Variants in CHRM2 observed in about 807,000 individuals in gnomAD.
CHRM2 encodes the protein cholinergic receptor muscarinic 2.
A neutral mutation model predicts 25.0 loss-of-function variants in CHRM2; 8 were observed. The ratio of observed to expected loss-of-function variants is 0.32; its 90% confidence interval spans 0.19 to 0.58. The LOEUF (loss-of-function observed/expected upper bound fraction) is 0.58. Among genes scored for constraint, CHRM2 ranks in the 20% least tolerant of loss-of-function variants. The probability of loss-of-function intolerance (pLI) is 0.88; values close to 1 mark genes in which losing one functional copy is unlikely to be tolerated. For synonymous variants in CHRM2, 202 were observed against 205.7 expected (o/e 0.98, Z 0.15); for missense variants, 440 against 567.1 (o/e 0.78, Z 2.28).
intron 3 of CHRM2, 148 bp from the exon 4 acceptor site, chr7:137,014,672 A>G: frequency 6.4e-6 from 4 of 627,354 alleles, no homozygotes; most frequent in East Asian, 2.8e-5. Context: ...TGCTTTTTAC[A>G]TGGGGAATTG....
intron 2 of CHRM2, among the ~76,000 whole-genome samples, chr7:136,920,221 C>T (rs2130729994): frequency 6.6e-6 from 1 of 152,160 alleles, no homozygotes; most frequent in African/African-American, 2.4e-5. Context: ...CTGTTGCTGT[C>T]AACATATGAA....
chr7:136,926,511 A>G (rs933001106), intron 2 of CHRM2, among the ~76,000 whole-genome samples: 1 of 152,184 alleles, frequency 6.6e-6, no homozygotes, highest in Admixed American at 6.5e-5. Flanking sequence ...CAGATCTTGG[A>G]CTTTGCAACA....
rs1798657464 is a variant in CHRM2, at chr7:136,924,939, T to C, written c.-125+55521T>C. On this transcript the variant is annotated intron_variant, in intron 2 of 3. Transcript: ENST00000680005. ...TTTGAACTCAGCTCTTACACTCACA[T>C]CTACTCTGCCATAGTTTTATAATCA... 2.0e-5 allele frequency among the ~76,000 whole-genome samples: 3 copies of C among 152,300 alleles called. No individual in the cohort carries two copies. The South Asian group carries it at 6.2e-4, about 32-fold the overall frequency.
chr7:137,004,870 C>A (rs535313611), intron 3 of CHRM2, among the ~76,000 whole-genome samples: 3 of 152,166 alleles, frequency 2.0e-5, no homozygotes, highest in Non-Finnish European at 2.9e-5. Context: ...GATAACACTG[C>A]GGTCATTTGG....
At chr7:136,951,859 C>T (rs1800432086) in intron 2 of CHRM2, among the ~76,000 whole-genome samples, 1 of 152,142 alleles carries the variant, frequency 6.6e-6, no homozygotes. Context: ...TGCCTTTCCT[C>T]CTGCTATAGG....
At chr7:136,947,450 G>C (rs1487559140) in intron 2 of CHRM2, among the ~76,000 whole-genome samples, 1 of 152,104 alleles carries the variant, frequency 6.6e-6, no homozygotes, top group Admixed American at 6.6e-5. Context: ...TGATGACAAA[G>C]GTTAATGTAG....
At chr7:137,004,634 A>T (rs7800093) in intron 3 of CHRM2, among the ~76,000 whole-genome samples, 7 of 152,072 alleles carry the variant, frequency 4.6e-5, no homozygotes, top group Non-Finnish European at 8.8e-5. Context: ...CCAAAAAGTC[A>T]TTTCATTTCA....
At chr7:136,889,596 C>T (rs551237663) in intron 2 of CHRM2, among the ~76,000 whole-genome samples, 1 of 152,286 alleles carries the variant, frequency 6.6e-6, no homozygotes, top group African/African-American at 2.4e-5. Flanking sequence ...GAGGTTTCTT[C>T]ATTTCTAAAA....
At chr7:136,934,282 A>C (rs1382964725) in intron 2 of CHRM2, among the ~76,000 whole-genome samples, 1 of 152,112 alleles carries the variant, frequency 6.6e-6, no homozygotes, top group Non-Finnish European at 1.5e-5. Flanking sequence ...TCTCTTGAAC[A>C]CTGTGGTAAG....
chr7:136,902,290 G>T (rs1797268412), intron 2 of CHRM2: 1 of 151,706 alleles, frequency 6.6e-6, no homozygotes, highest in African/African-American at 2.4e-5. Context: ...TTTGCAGTCA[G>T]TTGCTAGTTA....
chr7:136,884,083 A>G (rs1017034179), intron 2 of CHRM2, among the ~76,000 whole-genome samples: 3 of 152,214 alleles, frequency 2.0e-5, no homozygotes, highest in Non-Finnish European at 4.4e-5. Flanking sequence ...TCATAAAAAT[A>G]TATCAACTTA....
chr7:136,984,193 G>A lies in CHRM2; in HGVS notation c.-124-7994G>A, dbSNP rs184286029. On this transcript the variant is annotated intron_variant, in intron 2 of 3. Transcript: ENST00000680005. ...GCTATAGTGGTTTGGTAGTGATGTG[G>A]TGGGCTCCACCCAGTCCACACTTCC... is the stretch of plus-strand genomic sequence containing the variant. Among the ~76,000 whole-genome samples, 6 of 152,170 alleles carry A rather than the reference G, an allele frequency of 3.9e-5. No individual in the cohort carries two copies. In the East Asian group the frequency reaches 1.2e-3, roughly 30 times the overall value.
At chr7:136,975,258 G>C (rs540395280) in intron 2 of CHRM2, among the ~76,000 whole-genome samples, 2 of 152,228 alleles carry the variant, frequency 1.3e-5, no homozygotes, top group Middle Eastern at 3.4e-3. Context: ...CTTGTTTCCT[G>C]TTTGTGTTCT....
At chr7:136,929,595 A>G (rs1303920675) in intron 2 of CHRM2, among the ~76,000 whole-genome samples, 1 of 152,072 alleles carries the variant, frequency 6.6e-6, no homozygotes, top group Non-Finnish European at 1.5e-5. Flanking sequence ...TTCCCACATA[A>G]GAGCTGTCAA....
chr7:136,943,370 G>T (rs2130824835), intron 2 of CHRM2, among the ~76,000 whole-genome samples: 1 of 152,178 alleles, frequency 6.6e-6, no homozygotes, highest in East Asian at 1.9e-4. Context: ...AAACAACTTA[G>T]CTTACAACTG....
chr7:136,940,433 G>T (rs1799700962), intron 2 of CHRM2, among the ~76,000 whole-genome samples: 1 of 152,162 alleles, frequency 6.6e-6, no homozygotes, highest in South Asian at 2.1e-4. Context: ...TGTGACTTTG[G>T]AAAGTTACTC....
intron 2 of CHRM2, among the ~76,000 whole-genome samples, chr7:136,946,648 C>T (rs966396280): frequency 1.3e-5 from 2 of 152,102 alleles, no homozygotes; most frequent in Non-Finnish European, 2.9e-5. Context: ...AGCTTAATAC[C>T]TGTATTTTCT....
At chr7:136,930,926 A>AAAAAAAAAAAAG (rs1799059808) in intron 2 of CHRM2, among the ~76,000 whole-genome samples, 1 of 145,600 alleles carries the variant, frequency 6.9e-6, no homozygotes, top group Non-Finnish European at 1.5e-5. Context: ...AAAAAAAAAA[A>AAAAAAAAAAAAG]AGGATAGAAA....
At chr7:136,958,727 G>C (rs2130883092) in intron 2 of CHRM2, among the ~76,000 whole-genome samples, 1 of 152,258 alleles carries the variant, frequency 6.6e-6, no homozygotes, top group East Asian at 1.9e-4. Context: ...ACAGTGCTGG[G>C]ATTACAGGTG....
Sources: allele counts gnomAD v4.1 joint callset (sites outside exome capture counted in the v4.1 genomes callset), GRCh38; gene constraint gnomAD v4.1.1; transcripts MANE v1.5; gene names NCBI Gene and HGNC (gene_info 2026-07-23, HGNC 2026-07-21).